RBPMS: variants seen among roughly 807,000 people sequenced by gnomAD.
RBPMS encodes RNA binding protein, mRNA processing factor.
Under a neutral mutation model 26.8 loss-of-function variants are expected in RBPMS, and 7 were observed. The observed-to-expected ratio is 0.26, with a 90% confidence interval of 0.15 to 0.49. RBPMS has a LOEUF of 0.49. Among genes scored for constraint, RBPMS ranks in the 20% least tolerant of loss-of-function variants. The probability of loss-of-function intolerance (pLI) is 0.98; values close to 1 mark genes in which losing one functional copy is unlikely to be tolerated. For missense variants in RBPMS, 186 were observed against 250.0 expected (o/e 0.74, Z 1.73); for synonymous variants, 96 against 93.3 (o/e 1.03, Z -0.17).
At chr8:30,412,333 A>G (rs1170658042) in intron 1 of RBPMS, among the ~76,000 whole-genome samples, 1 of 152,166 alleles carries the variant, frequency 6.6e-6, no homozygotes, top group African/African-American at 2.4e-5. Flanking sequence ...CTGTCCACTG[A>G]GGCTGAGGGA....
intron 1 of RBPMS, among the ~76,000 whole-genome samples, chr8:30,411,792 T>G (rs886539004): frequency 6.6e-6 from 1 of 151,994 alleles, no homozygotes; most frequent in African/African-American, 2.4e-5. Flanking sequence ...AGACTAGCCT[T>G]GCCCACATGG....
intron 6 of RBPMS, among the ~76,000 whole-genome samples, chr8:30,549,749 TC>T (rs1282059764): frequency 2.3e-5 from 3 of 132,448 alleles, no homozygotes; most frequent in African/African-American, 9.2e-5. Flanking sequence ...TTTCTTTCTT[TC>T]CTTTTCTTTT....
intron 1 of RBPMS, among the ~76,000 whole-genome samples, chr8:30,444,123 T>A (rs553741349): frequency 6.6e-6 from 1 of 150,486 alleles, no homozygotes; most frequent in South Asian, 2.1e-4. Flanking sequence ...ATTGAACTCC[T>A]GGCCTCAAGT....
chr8:30,498,006 G>A (rs188690954), intron 4 of RBPMS, among the ~76,000 whole-genome samples: 4 of 150,914 alleles, frequency 2.7e-5, no homozygotes, highest in Non-Finnish European at 1.5e-5. Flanking sequence ...GTGGAGGAAG[G>A]GGCAGTATAA....
chr8:30,455,513 G>GA (rs1438742065), intron 1 of RBPMS, among the ~76,000 whole-genome samples: 1 of 152,182 alleles, frequency 6.6e-6, no homozygotes, highest in African/African-American at 2.4e-5. Context: ...GGGCAGTGGG[G>GA]AAAGCTGCTT....
At chr8:30,560,406 G>A (rs1021882551) in intron 7 of RBPMS, among the ~76,000 whole-genome samples, 7 of 152,160 alleles carry the variant, frequency 4.6e-5, no homozygotes, top group African/African-American at 7.2e-5. Flanking sequence ...GCCCACAGAC[G>A]ATTCTCAGAG....
intron 1 of RBPMS, among the ~76,000 whole-genome samples, chr8:30,451,014 T>C (rs765366318): frequency 6.6e-5 from 10 of 152,032 alleles, no homozygotes; most frequent in Non-Finnish European, 1.3e-4. Context: ...TTTGAAAAAA[T>C]AGACTCCTTG....
intron 1 of RBPMS, among the ~76,000 whole-genome samples, chr8:30,440,090 C>T (rs1339599214): frequency 1.3e-5 from 2 of 152,142 alleles, no homozygotes; most frequent in Non-Finnish European, 2.9e-5. Flanking sequence ...CAAAAGTTTA[C>T]CATCCTAACC....
chr8:30,419,417 G>C (rs1238748710), intron 1 of RBPMS, among the ~76,000 whole-genome samples: 1 of 147,676 alleles, frequency 6.8e-6, no homozygotes, highest in Non-Finnish European at 1.5e-5. Flanking sequence ...TTGCACTCCA[G>C]CCTGGGCGAC....
At chr8:30,447,684 GA>G (rs755718377) in intron 1 of RBPMS, among the ~76,000 whole-genome samples, 21 of 152,232 alleles carry the variant, frequency 1.4e-4, no homozygotes, top group South Asian at 8.3e-4. Flanking sequence ...ACAAAGGGGA[GA>G]AAGTAAACGT....
At position 30,457,767 on chromosome 8, in the gene RBPMS, G is replaced by A. The variant is rs542327429; in HGVS notation, c.67-17012G>A. On this transcript the variant is annotated intron_variant, in intron 1 of 8. Coordinates refer to ENST00000397323, the MANE Select transcript of RBPMS (RefSeq NM_001008710.3). ...CACCCAGCTAATTTTTAGTAGAGAC[G>A]GGGTTTCACCATTTTGGTCAGGCTG... Among the ~76,000 whole-genome samples, 255 of 152,034 alleles carry A rather than the reference G, an allele frequency of 1.7e-3. 2 individuals carry two copies. The highest frequency in any genetic ancestry group is 2.1e-3 in the Non-Finnish European group (143 of 67,970).
At chr8:30,508,057 A>G (rs756092041) in intron 5 of RBPMS, among the ~76,000 whole-genome samples, 4 of 152,138 alleles carry the variant, frequency 2.6e-5, no homozygotes, top group Non-Finnish European at 4.4e-5. Flanking sequence ...TGGAGATAAG[A>G]TTTTTAAAGA....
chr8:30,562,485 G>C (rs548412357), intron 7 of RBPMS, among the ~76,000 whole-genome samples: 1 of 152,270 alleles, frequency 6.6e-6, no homozygotes, highest in Admixed American at 6.5e-5. Flanking sequence ...GCACGCGGGG[G>C]AGTCTAGTCT....
At chr8:30,493,669 T>C (rs1175355298) in intron 4 of RBPMS, among the ~76,000 whole-genome samples, 1 of 152,192 alleles carries the variant, frequency 6.6e-6, no homozygotes, top group Non-Finnish European at 1.5e-5. Context: ...CTTTAATGGG[T>C]AACTGACTGT....
At chr8:30,566,442 C>A in intron 8 of RBPMS, 82 bp downstream of exon 8, 1 of 312,762 alleles carries the variant, frequency 3.2e-6, no homozygotes, top group Non-Finnish European at 4.7e-6. Flanking sequence ...GGGGTGGGGT[C>A]TGGCATTCCA....
In RBPMS at chr8:30,498,065, C is replaced by T. The variant is rs73570086; in HGVS notation, c.247-6221C>T. ...AGTCTTTCAGCCTACTAGATGGGAT[C>T]GTATATTACTACTACCTTACTATTT... On this transcript the variant is annotated intron_variant, in intron 4 of 8. Transcript: ENST00000397323. 3.9e-3 allele frequency among the ~76,000 whole-genome samples: 580 copies of T among 150,244 alleles called. 3 individuals are homozygous for T. The highest frequency in any genetic ancestry group is 0.013 in the African/African-American group (534 of 40,762).
At chr8:30,511,508 T>A (rs1821674830) in intron 5 of RBPMS, among the ~76,000 whole-genome samples, 2 of 8,170 alleles carry the variant, frequency 2.4e-4, no homozygotes, top group African/African-American at 3.6e-4. Context: ...TATATATATA[T>A]ATATATATAT....
intron 1 of RBPMS, among the ~76,000 whole-genome samples, chr8:30,427,036 C>T (rs537383803): frequency 3.3e-5 from 5 of 152,316 alleles, no homozygotes; most frequent in African/African-American, 9.6e-5. Context: ...AGCAATCCCC[C>T]TGCTTTGGCC....
At chr8:30,557,778 A>T (rs1827082384) in intron 6 of RBPMS, among the ~76,000 whole-genome samples, 2 of 152,348 alleles carry the variant, frequency 1.3e-5, no homozygotes, top group African/African-American at 4.8e-5. Flanking sequence ...GAGCAGTGGG[A>T]GGCGGGCATC....
Sources: gnomAD v4.1 joint callset for allele counts (sites outside exome capture counted in the v4.1 genomes callset) on GRCh38, gnomAD v4.1.1 for gene constraint, MANE v1.5 for transcripts, NCBI Gene and HGNC (gene_info 2026-07-23, HGNC 2026-07-21) for gene names.